The following CAMK4 variants were observed in gnomAD, a reference collection of about 807,000 sequenced individuals.
CAMK4 encodes the protein calcium/calmodulin dependent protein kinase IV, also known as calcium/calmodulin-dependent protein kinase type IV.
Under a neutral mutation model 44.9 loss-of-function variants are expected in CAMK4, and 22 were observed. The observed-to-expected ratio is 0.49, with a 90% CI of 0.35 to 0.70. The LOEUF (loss-of-function observed/expected upper bound fraction) is 0.70, where lower values mean the gene tolerates loss of function less well. Ranked by LOEUF, CAMK4 falls within the 30% of genes least tolerant of loss-of-function variation. The pLI, the probability that CAMK4 is intolerant of heterozygous loss-of-function variation, is 0.01. For synonymous variants in CAMK4, 218 were observed against 215.4 expected, an observed-to-expected ratio of 1.01 and a Z score of -0.11; for missense variants, 498 against 586.8, an observed-to-expected ratio of 0.85 and a Z score of 1.56.
chr5:111,322,900 C>G (rs191197697), intron 1 of CAMK4, among the ~76,000 whole-genome samples: 1 of 152,042 alleles, frequency 6.6e-6, no homozygotes, highest in East Asian at 1.9e-4. Context: ...GGATTAAAGG[C>G]TGCAAAAGAA....
intron 1 of CAMK4, among the ~76,000 whole-genome samples, chr5:111,293,044 A>G (rs755103912): frequency 1.2e-4 from 18 of 152,230 alleles, no homozygotes; most frequent in Admixed American, 2.6e-4. Context: ...ATAATTTTAT[A>G]TCGGAAGCAT....
intron 1 of CAMK4, among the ~76,000 whole-genome samples, chr5:111,292,019 A>G (rs778667458): frequency 3.9e-5 from 6 of 152,234 alleles, no homozygotes; most frequent in Non-Finnish European, 8.8e-5. Flanking sequence ...ATGGGTATAT[A>G]TTTATATTCC....
chr5:111,466,484 A>G (rs1371429470), intron 7 of CAMK4, among the ~76,000 whole-genome samples: 3 of 152,244 alleles, frequency 2.0e-5, no homozygotes, highest in Non-Finnish European at 4.4e-5. Context: ...AGATCTGATA[A>G]ATGAATTCAG....
intron 4 of CAMK4, among the ~76,000 whole-genome samples, chr5:111,382,685 G>C: frequency 6.6e-6 from 1 of 152,156 alleles, no homozygotes; most frequent in East Asian, 1.9e-4. Context: ...CTGAGGATCA[G>C]AGAGGTCTGT....
chr5:111,424,596 C>T (rs1359745898), intron 5 of CAMK4, among the ~76,000 whole-genome samples: 2 of 151,600 alleles, frequency 1.3e-5, no homozygotes, highest in African/African-American at 4.8e-5. Context: ...AGGTGCCCAC[C>T]ACCACGCCCG....
intron 5 of CAMK4, among the ~76,000 whole-genome samples, chr5:111,404,619 T>G (rs772303628): frequency 7.9e-5 from 12 of 152,320 alleles, no homozygotes; most frequent in African/African-American, 1.7e-4. Flanking sequence ...GGTATTTCAT[T>G]GCCACAAAGA....
intron 2 of CAMK4, among the ~76,000 whole-genome samples, chr5:111,360,172 T>C (rs1405089223): frequency 6.6e-6 from 1 of 152,100 alleles, no homozygotes; most frequent in East Asian, 1.9e-4. Flanking sequence ...GTCAAAGATA[T>C]CTTAGTTTAT....
intron 1 of CAMK4, among the ~76,000 whole-genome samples, chr5:111,251,046 G>A (rs1332641033): frequency 2.0e-5 from 3 of 152,174 alleles, no homozygotes; most frequent in African/African-American, 7.2e-5. Flanking sequence ...GACATTCTTT[G>A]CTATGGCTTG....
chr5:111,430,688 A>G (rs1753410253), intron 5 of CAMK4, among the ~76,000 whole-genome samples: 1 of 152,208 alleles, frequency 6.6e-6, no homozygotes, highest in African/African-American at 2.4e-5. Flanking sequence ...AGAAATTTAA[A>G]AAGTAATCCC....
chr5:111,371,733 A>G (rs923296399), intron 2 of CAMK4, among the ~76,000 whole-genome samples: 1 of 152,174 alleles, frequency 6.6e-6, no homozygotes, highest in Admixed American at 6.5e-5. Context: ...TGACAATATG[A>G]TGGAGGTTAT....
At position 111,414,417 on chromosome 5, in the gene CAMK4, A is replaced by C. The variant is rs555198291; in HGVS notation, c.459+19635A>C. On this transcript the variant is annotated intron_variant, in intron 5 of 10. Coordinates refer to ENST00000282356, the MANE Select transcript of CAMK4 (RefSeq NM_001744.6). ...AGCAGCAGCAGCAACAGCAGCAACA[A>C]CACCATCCACAATACATTACCAGGT... is the stretch of plus-strand genomic sequence containing the variant. 9.9e-5 allele frequency among the ~76,000 whole-genome samples: 15 copies of C among 152,210 alleles called. No individual in the cohort carries two copies. In the East Asian group the frequency reaches 2.9e-3, roughly 29 times the overall value.
intron 1 of CAMK4, among the ~76,000 whole-genome samples, chr5:111,240,395 G>C (rs1748934076): frequency 6.6e-6 from 1 of 151,866 alleles, no homozygotes; most frequent in Non-Finnish European, 1.5e-5. Context: ...TCACATGGAA[G>C]AGACTTATAT....
chr5:111,344,165 C>T, intron 2 of CAMK4, 63 bp downstream of exon 2: 1 of 999,150 alleles, frequency 1.0e-6, no homozygotes, highest in South Asian at 1.3e-5. Flanking sequence ...AGGCAGGAAC[C>T]TGATTTGAAG....
intron 1 of CAMK4, among the ~76,000 whole-genome samples, chr5:111,274,947 A>G (rs537874787): frequency 6.6e-6 from 1 of 152,140 alleles, no homozygotes; most frequent in South Asian, 2.1e-4. Context: ...TATCTAACTA[A>G]TTTTCCCCAG....
chr5:111,396,134 A>G (rs1301104623), intron 5 of CAMK4, among the ~76,000 whole-genome samples: 1 of 152,136 alleles, frequency 6.6e-6, no homozygotes, highest in East Asian at 1.9e-4. Context: ...GGAAAAAATA[A>G]CCTTTGCATA....
chr5:111,443,288 A>ATG (rs1561491345), intron 5 of CAMK4, among the ~76,000 whole-genome samples: 64 of 105,718 alleles, frequency 6.1e-4, no homozygotes, highest in African/African-American at 2.4e-3. Flanking sequence ...ATACACACAC[A>ATG]CACACACACA....
chr5:111,467,086 A>G (rs1284966252), intron 7 of CAMK4, among the ~76,000 whole-genome samples: 1 of 152,156 alleles, frequency 6.6e-6, no homozygotes, highest in Non-Finnish European at 1.5e-5. Context: ...CAAAGCGGGG[A>G]AAGGATACCC....
intron 1 of CAMK4, among the ~76,000 whole-genome samples, chr5:111,319,503 T>A (rs1315389007): frequency 6.6e-6 from 1 of 152,186 alleles, no homozygotes; most frequent in Admixed American, 6.5e-5. Context: ...AAAACATTTC[T>A]TGAGCTCCAG....
At chr5:111,311,947 G>A (rs1748223118) in intron 1 of CAMK4, among the ~76,000 whole-genome samples, 1 of 152,094 alleles carries the variant, frequency 6.6e-6, no homozygotes, top group Non-Finnish European at 1.5e-5. Context: ...CTTGGTATGT[G>A]TAGAAAACCA....
Sources: allele counts gnomAD v4.1 joint callset (sites outside exome capture counted in the v4.1 genomes callset), GRCh38; gene constraint gnomAD v4.1.1; transcripts MANE v1.5; gene names NCBI Gene and HGNC (gene_info 2026-07-23, HGNC 2026-07-21).